RGL3: variants seen among roughly 807,000 people sequenced by gnomAD.
RGL3 encodes the protein ral guanine nucleotide dissociation stimulator-like 3.
A neutral mutation model predicts 90.6 loss-of-function variants in RGL3; 85 were observed. The ratio of observed to expected loss-of-function variants is 0.94; its 90% CI spans 0.79 to 1.12. The LOEUF (loss-of-function observed/expected upper bound fraction) is 1.12. Ranked by LOEUF, RGL3 falls within the 50% of genes most tolerant of loss-of-function variation. The pLI, the probability that RGL3 is intolerant of heterozygous loss-of-function variation, is 0.00. For synonymous variants in RGL3, 408 were observed against 385.5 expected (o/e 1.06, Z -0.68); for missense variants, 1,034 against 939.2 (o/e 1.10, Z -1.32).
At chr19:11,399,294 C>T (rs767001095) in intron 16 of RGL3, among the ~76,000 whole-genome samples, 2 of 151,428 alleles carry the variant, frequency 1.3e-5, no homozygotes, top group Non-Finnish European at 2.9e-5. Context: ...AGGCTGGGTG[C>T]GGTGGCTCAC....
chr19:11,394,356 A>C lies in RGL3; in HGVS notation c.*46T>G, dbSNP rs1968526989. 20 of 1,470,010 alleles carry C rather than the reference A, an allele frequency of 1.4e-5. No individual in the cohort carries two copies. The highest frequency in any genetic ancestry group is 1.9e-5 in the Non-Finnish European group (20 of 1,049,120). 91.1% of individuals were successfully genotyped at this position (1,470,010 alleles called of 1,614,324 possible). A position where few individuals can be genotyped will look rare whatever the true frequency, so the allele number is the denominator to read the frequency against. On this transcript the variant is annotated 3_prime_UTR_variant, in exon 19 of 19. Transcript: ENST00000380456. ...GGCAGCTTTCCAGGAGAAGAGTCGCAAGCTTGCCTGTGGGACTTGTGTCTT... is the reference window on the plus strand; with the variant it reads ...GGCAGCTTTCCAGGAGAAGAGTCGCCAGCTTGCCTGTGGGACTTGTGTCTT...
Position 11,397,451 on chromosome 19 carries a change from G to A in RGL3, c.1893C>T (p.Ser631=). ...CCCCAGCCCAGCCCCTCACCAAGAT[G>A]CTTCGATACAGGTTCCCGTGGTCAT... ...IDNDHGNLYR[S]ILLTSQDKAP... Residue 631 remains serine, a synonymous_variant, in exon 17 of 19, where the codon AGC becomes AGT. Transcript: ENST00000380456. The A allele has an allele frequency of 4.4e-6, 7 of 1,605,950 alleles. No individual in the cohort carries two copies. Among genetic ancestry groups the A allele is most frequent in the Non-Finnish European group, 4.3e-6 (5 of 1,174,544 alleles).
intron 4 of RGL3, chr19:11,416,381 TAG>T: frequency 1.6e-6 from 1 of 618,340 alleles, no homozygotes; most frequent in African/African-American, 1.8e-5. Flanking sequence ...GTATTTTTAG[TAG>T]AGACAGGGTT....
chr19:11,419,237 TC>T lies in RGL3; in HGVS notation c.33+8del. On this transcript the variant is annotated splice_region_variant and intron_variant, in intron 1 of 18. Transcript: ENST00000380456. ...GGATGCGGGGTCCGGGGATCCCTTG[TC>T]CCCTTACCAGGGCCAGCTCTTTGCC... 1 of 1,590,232 alleles carries T rather than the reference TC, an allele frequency of 6.3e-7. No homozygotes were observed. The highest frequency in any genetic ancestry group is 1.1e-5 in the South Asian group (1 of 88,918).
intron 18 of RGL3, among the ~76,000 whole-genome samples, chr19:11,395,302 A>G (rs917765259): frequency 1.3e-5 from 2 of 151,978 alleles, no homozygotes; most frequent in Middle Eastern, 3.2e-3. Flanking sequence ...CCTCACACTC[A>G]ACACCTGAAC....
At chr19:11,404,166 A>C (rs1968728844) in intron 9 of RGL3, among the ~76,000 whole-genome samples, 2 of 151,950 alleles carry the variant, frequency 1.3e-5, no homozygotes, top group Non-Finnish European at 2.9e-5. Context: ...TATAGGCGTG[A>C]GTCACTGAGC....
chr19:11,398,700 C>T (rs1210151540), intron 16 of RGL3, among the ~76,000 whole-genome samples: 1 of 151,264 alleles, frequency 6.6e-6, no homozygotes, highest in Non-Finnish European at 1.5e-5. Flanking sequence ...GGGAGCCTCG[C>T]TCTGTCACCA....
chr19:11,414,169 A>ACC (rs1305342517), intron 5 of RGL3, among the ~76,000 whole-genome samples: 3 of 114,904 alleles, frequency 2.6e-5, no homozygotes, highest in Admixed American at 1.9e-4. Flanking sequence ...ATATATATAT[A>ACC]TATATATACA....
chr19:11,414,490 CATATATATATAT>C (rs57862666), intron 5 of RGL3, among the ~76,000 whole-genome samples: 4,199 of 27,876 alleles, frequency 0.15, 460 homozygotes, highest in East Asian at 0.46. Context: ...TATACACCTT[CATATATATATAT>C]ATATATATAT....
intron 18 of RGL3, 89 bp from the exon 19 acceptor site, chr19:11,394,609 C>G: frequency 1.1e-6 from 1 of 921,080 alleles, no homozygotes; most frequent in Non-Finnish European, 1.8e-6. Flanking sequence ...CACTCACCCG[C>G]GAACCTGAAC....
chr19:11,418,829 T>C, intron 1 of RGL3, 45 bp from the exon 2 acceptor site: 1 of 1,469,696 alleles, frequency 6.8e-7, no homozygotes, highest in Non-Finnish European at 9.1e-7. Flanking sequence ...GCACAGGTCC[T>C]GGGGCCTCAG....
At chr19:11,410,966 C>T (rs1293610798) in intron 5 of RGL3, among the ~76,000 whole-genome samples, 2 of 151,846 alleles carry the variant, frequency 1.3e-5, no homozygotes, top group African/African-American at 2.4e-5. Flanking sequence ...CCCGACACTT[C>T]GGGAGGCCGA....
Position 11,399,920 on chromosome 19 carries a change from T to C in RGL3, c.1681A>G (p.Arg561Gly). 6.5e-7 allele frequency: 1 copy of C among 1,539,374 alleles called. No individual in the cohort carries two copies. Among genetic ancestry groups the C allele is most frequent in the Non-Finnish European group, 8.7e-7 (1 of 1,150,082 alleles). ...VSPGSPPSSP[R>G]SRDAPAGSPP... ...CTGCCAGCAGGAGCATCTCTGCTTCTAGGACTTGAGGGGGGTGACCCTGGG... is the reference window on the plus strand; with the variant it reads ...CTGCCAGCAGGAGCATCTCTGCTTCCAGGACTTGAGGGGGGTGACCCTGGG... The change falls in exon 16 of 19, where the codon AGA becomes GGA. Residue 561 changes from arginine (R) to glycine (G), a missense_variant. Physicochemically the swap from Arg to Gly is moderately radical, Grantham distance 125. Transcript: ENST00000380456.
In RGL3 at chr19:11,405,484, ACTT is replaced by A. The variant is rs533325737; in HGVS notation, c.997-61_997-59del. 144 of 415,314 alleles carry A rather than the reference ACTT, an allele frequency of 3.5e-4. 1 individual carries two copies. Among genetic ancestry groups the A allele is most frequent in the South Asian group, 2.1e-3 (87 of 40,738 alleles). The allele number at this position is 415,314 out of a possible 1,614,324, so 25.7% of individuals were successfully genotyped here. ...GGCATTATCCACCTTTCATCCTGAA[ACTT>A]CTTCATCTTTTTTTTTTTTTTTTTT... On this transcript the variant is annotated intron_variant, in intron 7 of 18. Transcript: ENST00000380456.
At chr19:11,409,247 A>G (rs576761672) in intron 5 of RGL3, among the ~76,000 whole-genome samples, 2 of 152,174 alleles carry the variant, frequency 1.3e-5, no homozygotes, top group African/African-American at 2.4e-5. Context: ...TTGGGAGGCC[A>G]AGGCGGGTAG....
chr19:11,398,994 G>A (rs899137775), intron 16 of RGL3, among the ~76,000 whole-genome samples: 5 of 151,906 alleles, frequency 3.3e-5, no homozygotes, highest in African/African-American at 1.2e-4. Flanking sequence ...ACAGGATCTC[G>A]CTCTATCATG....
chr19:11,412,589 A>G (rs1210071636), intron 5 of RGL3, among the ~76,000 whole-genome samples: 1 of 152,042 alleles, frequency 6.6e-6, no homozygotes, highest in Non-Finnish European at 1.5e-5. Flanking sequence ...AGTCTTAGCT[A>G]CTCAGGAGGC....
intron 9 of RGL3, among the ~76,000 whole-genome samples, chr19:11,402,967 G>C (rs980354344): frequency 2.6e-5 from 4 of 152,010 alleles, no homozygotes; most frequent in African/African-American, 9.7e-5. Context: ...AATTAGCCGG[G>C]TATGGTGGCT....
intron 9 of RGL3, among the ~76,000 whole-genome samples, chr19:11,404,200 G>A (rs1448784720): frequency 1.3e-5 from 2 of 152,164 alleles, no homozygotes; most frequent in Non-Finnish European, 2.9e-5. Context: ...TGTTCTAGGT[G>A]CTGGGCAGGA....
Sources: gnomAD v4.1 joint callset for allele counts (sites outside exome capture counted in the v4.1 genomes callset) on GRCh38, gnomAD v4.1.1 for gene constraint, MANE v1.5 for transcripts, NCBI Gene and HGNC (gene_info 2026-07-23, HGNC 2026-07-21) for gene names.